Variants in LRCH1 observed in about 807,000 individuals in gnomAD.
The protein encoded by LRCH1 is leucine-rich repeat and calponin homology domain-containing protein 1.
Under a neutral mutation model 94.9 loss-of-function variants are expected in LRCH1, and 23 were observed. That is an observed-to-expected ratio of 0.24 (90% confidence interval 0.17 to 0.34). The LOEUF (loss-of-function observed/expected upper bound fraction) is 0.34. Ranked by LOEUF, LRCH1 falls within the 10% of genes least tolerant of loss-of-function variation. The pLI is 1.00. For missense variants in LRCH1, 790 were observed against 945.9 expected (o/e 0.84, Z 2.16); for synonymous variants, 364 against 354.9 (o/e 1.03, Z -0.29).
chr13:46,664,927 T>G (rs2051495964), intron 2 of LRCH1, among the ~76,000 whole-genome samples: 1 of 152,204 alleles, frequency 6.6e-6, no homozygotes, highest in Non-Finnish European at 1.5e-5. Flanking sequence ...TCTCTCTTTA[T>G]CTCTTACTTA....
chr13:46,565,946 A>G (rs1331892451), intron 1 of LRCH1, among the ~76,000 whole-genome samples: 1 of 151,818 alleles, frequency 6.6e-6, no homozygotes, highest in African/African-American at 2.4e-5. Context: ...GAGAATGGGG[A>G]ACCCTATTCC....
At chr13:46,729,070 T>C (rs1872973867) in intron 18 of LRCH1, 86 bp downstream of exon 18, 8 of 1,313,714 alleles carry the variant, frequency 6.1e-6, no homozygotes, top group Admixed American at 2.5e-5. Context: ...ATGGTGTCAG[T>C]AGGAGCTTGC....
At chr13:46,574,961 G>A (rs2050287020) in intron 1 of LRCH1, among the ~76,000 whole-genome samples, 1 of 150,616 alleles carries the variant, frequency 6.6e-6, no homozygotes, top group Non-Finnish European at 1.5e-5. Flanking sequence ...TTTAGCCTTT[G>A]GATGAGGTTT....
chr13:46,559,874 G>A (rs2050110373), intron 1 of LRCH1, among the ~76,000 whole-genome samples: 1 of 152,120 alleles, frequency 6.6e-6, no homozygotes, highest in African/African-American at 2.4e-5. Context: ...ATTATTGACT[G>A]AGACTTTTTT....
intron 1 of LRCH1, among the ~76,000 whole-genome samples, chr13:46,570,178 T>G (rs895486950): frequency 6.6e-6 from 1 of 152,160 alleles, no homozygotes; most frequent in East Asian, 1.9e-4. Context: ...ACTGGAAAAT[T>G]GAGGCTCAGA....
chr13:46,556,580 G>A (rs1247432744), intron 1 of LRCH1, among the ~76,000 whole-genome samples: 1 of 152,068 alleles, frequency 6.6e-6, no homozygotes, highest in Non-Finnish European at 1.5e-5. Flanking sequence ...CTCTCTATGC[G>A]TTATCTGCAT....
intron 1 of LRCH1, among the ~76,000 whole-genome samples, chr13:46,603,139 C>A (rs990412791): frequency 6.6e-6 from 1 of 151,804 alleles, no homozygotes; most frequent in Non-Finnish European, 1.5e-5. Flanking sequence ...GAGGAGAAAG[C>A]TAATTCTTCT....
At chr13:46,623,888 T>G (rs1036138694) in intron 1 of LRCH1, among the ~76,000 whole-genome samples, 20 of 134,908 alleles carry the variant, frequency 1.5e-4, no homozygotes, top group African/African-American at 2.5e-4. Context: ...TTATTATTTA[T>G]TTATTTATCG....
At chr13:46,605,598 A>G (rs984190449) in intron 1 of LRCH1, among the ~76,000 whole-genome samples, 9 of 151,878 alleles carry the variant, frequency 5.9e-5, no homozygotes, top group African/African-American at 2.2e-4. Flanking sequence ...AATCATAAGC[A>G]TGTGTTTTCT....
At chr13:46,723,120 T>A (rs895819389) in intron 16 of LRCH1, 101 bp from the exon 17 acceptor site, 6 of 583,120 alleles carry the variant, frequency 1.0e-5, no homozygotes, top group African/African-American at 7.6e-5. Context: ...GAGTGGTAAA[T>A]GAATTATTTT....
At chr13:46,696,195 T>TACAC (rs10553999) in intron 9 of LRCH1, among the ~76,000 whole-genome samples, 1,872 of 147,176 alleles carry the variant, frequency 0.013, 30 homozygotes, top group African/African-American at 0.035. Context: ...TGCATGTGTG[T>TACAC]ACACACACAC....
chr13:46,749,022 G>A (rs1486838500), downstream of LRCH1, among the ~76,000 whole-genome samples: 1 of 152,184 alleles, frequency 6.6e-6, no homozygotes, highest in African/African-American at 2.4e-5. Flanking sequence ...TGTGTCTCCG[G>A]TAATTTTTGG....
intron 1 of LRCH1, among the ~76,000 whole-genome samples, chr13:46,592,915 T>A (rs1026700974): frequency 3.6e-4 from 55 of 152,266 alleles, no homozygotes; most frequent in African/African-American, 1.3e-3. Flanking sequence ...TCTGTAAGTT[T>A]GTGAGGTTTC....
chr13:46,705,979 T>A (rs1297034198), intron 13 of LRCH1, among the ~76,000 whole-genome samples: 1 of 152,200 alleles, frequency 6.6e-6, no homozygotes, highest in Non-Finnish European at 1.5e-5. Flanking sequence ...ATTTCCTGAA[T>A]GGATTTAGGA....
At chr13:46,590,354 A>G (rs1407530141) in intron 1 of LRCH1, among the ~76,000 whole-genome samples, 1 of 151,986 alleles carries the variant, frequency 6.6e-6, no homozygotes, top group African/African-American at 2.4e-5. Context: ...CTAATAGGAC[A>G]TTTTCTTACA....
intron 10 of LRCH1, among the ~76,000 whole-genome samples, chr13:46,700,366 T>C (rs1294693156): frequency 2.6e-5 from 4 of 152,172 alleles, no homozygotes; most frequent in African/African-American, 4.8e-5. Context: ...TTTAAAAACG[T>C]TGGAAAGTTC....
intron 1 of LRCH1, among the ~76,000 whole-genome samples, chr13:46,616,646 A>T (rs1307201213): frequency 1.3e-5 from 2 of 152,258 alleles, no homozygotes; most frequent in African/African-American, 4.8e-5. Flanking sequence ...TTATTTCTGC[A>T]TGAAGGCAAC....
rs1872291012 is a variant in LRCH1 at position 46,715,788 on chromosome 13, G to A, written c.1759+124G>A. On this transcript the variant is annotated intron_variant, in intron 16 of 19. Coordinates refer to ENST00000389797, the MANE Select transcript of LRCH1 (RefSeq NM_001164211.2). ...CTGCATGCTTGGTATGAGAAATAATGTGTAAGCCTGGAAAGTGAAGTCCAG... is the reference window on the plus strand; with the variant it reads ...CTGCATGCTTGGTATGAGAAATAATATGTAAGCCTGGAAAGTGAAGTCCAG... 4.6e-6 allele frequency: 3 copies of A among 650,638 alleles called. 1 individual carries two copies. The highest frequency in any genetic ancestry group is 8.2e-6 in the Non-Finnish European group (3 of 367,686). 40.3% of individuals were successfully genotyped at this position (650,638 alleles called of 1,614,324 possible).
chr13:46,657,220 T>C (rs1385367825), intron 2 of LRCH1, among the ~76,000 whole-genome samples: 1 of 151,974 alleles, frequency 6.6e-6, no homozygotes, highest in Non-Finnish European at 1.5e-5. Flanking sequence ...TCAAAGTTTA[T>C]TCTGCCAGCC....
Sources: allele counts gnomAD v4.1 joint callset (sites outside exome capture counted in the v4.1 genomes callset), GRCh38; gene constraint gnomAD v4.1.1; transcripts MANE v1.5; gene names NCBI Gene and HGNC (gene_info 2026-07-23, HGNC 2026-07-21).